The following ATF1 variants were observed in gnomAD, a reference collection of about 807,000 sequenced individuals.
ATF1 encodes the protein activating transcription factor 1.
In ATF1, 16 loss-of-function variants were observed where a neutral mutation model predicts 34.7. That is an observed-to-expected ratio of 0.46 (90% CI 0.31 to 0.70). The LOEUF (loss-of-function observed/expected upper bound fraction) is 0.70, where lower values mean the gene tolerates loss of function less well. Among genes scored for constraint, ATF1 ranks in the 30% least tolerant of loss-of-function variants. The pLI is 0.05. For missense variants in ATF1, 255 were observed against 321.6 expected, an observed-to-expected ratio of 0.79 and a Z score of 1.58; for synonymous variants, 105 against 113.1, an observed-to-expected ratio of 0.93 and a Z score of 0.46.
At chr12:50,769,791 T>G (rs1038802064) in intron 1 of ATF1, among the ~76,000 whole-genome samples, 3 of 152,244 alleles carry the variant, frequency 2.0e-5, no homozygotes, top group African/African-American at 7.2e-5. Flanking sequence ...GTTTTAATCC[T>G]GTTTAGAAGA....
chr12:50,793,353 C>T (rs556043969), intron 2 of ATF1, among the ~76,000 whole-genome samples: 134 of 152,136 alleles, frequency 8.8e-4, no homozygotes, highest in African/African-American at 3.1e-3. Context: ...TGGCCAGGTG[C>T]GGTGGCTCAT....
Position 50,809,650 on chromosome 12 carries a change from G to A in ATF1, c.328+61G>A. Reference sequence around the variant, plus strand: ...ACAAAACCTGACTTTTCTGTAGAAAGAAATGGTGTTAGGAAAACTGTAATA... The same window carrying A: ...ACAAAACCTGACTTTTCTGTAGAAAAAAATGGTGTTAGGAAAACTGTAATA... On this transcript the variant is annotated intron_variant, in intron 4 of 6. Coordinates refer to ENST00000262053, the MANE Select transcript of ATF1 (RefSeq NM_005171.5). 2.7e-6 allele frequency: 4 copies of A among 1,496,762 alleles called. No homozygotes were observed. In the South Asian group the frequency reaches 3.8e-5, roughly 14 times the overall value. The allele number at this position is 1,496,762 out of a possible 1,614,324, so 92.7% of individuals were successfully genotyped here.
At chr12:50,776,630 A>G (rs887972253) in intron 1 of ATF1, among the ~76,000 whole-genome samples, 1 of 152,132 alleles carries the variant, frequency 6.6e-6, no homozygotes, top group African/African-American at 2.4e-5. Context: ...ACCTATCATT[A>G]ATTATTTTAA....
At chr12:50,771,553 T>A (rs1265171530) in intron 1 of ATF1, among the ~76,000 whole-genome samples, 1 of 152,032 alleles carries the variant, frequency 6.6e-6, no homozygotes. Flanking sequence ...AGAAGATGGA[T>A]CTTCGTCCCT....
intron 6 of ATF1, among the ~76,000 whole-genome samples, chr12:50,819,059 C>T (rs1045162346): frequency 4.6e-5 from 7 of 152,180 alleles, no homozygotes; most frequent in African/African-American, 1.7e-4. Context: ...CCAGAGGACC[C>T]ATAATTTCAC....
intron 6 of ATF1, among the ~76,000 whole-genome samples, chr12:50,819,014 A>AACTT (rs1941896829): frequency 2.0e-5 from 3 of 152,226 alleles, no homozygotes; most frequent in African/African-American, 4.8e-5. Flanking sequence ...TTGTAATTTG[A>AACTT]ACTTAAATAA....
intron 3 of ATF1, among the ~76,000 whole-genome samples, chr12:50,797,194 A>G (rs914594289): frequency 6.6e-6 from 1 of 152,238 alleles, no homozygotes; most frequent in Non-Finnish European, 1.5e-5. Context: ...TCCAGCTTCT[A>G]GTCTCTCCAG....
At chr12:50,769,109 T>G (rs1009296603) in intron 1 of ATF1, among the ~76,000 whole-genome samples, 4 of 152,238 alleles carry the variant, frequency 2.6e-5, no homozygotes, top group Non-Finnish European at 1.5e-5. Flanking sequence ...AAGAGACAGT[T>G]TTACATGTAA....
chr12:50,767,226 A>G (rs1456016507), intron 1 of ATF1, among the ~76,000 whole-genome samples: 2 of 151,864 alleles, frequency 1.3e-5, no homozygotes, highest in African/African-American at 2.4e-5. Flanking sequence ...TGGTTAAAAA[A>G]AAAAAAATCA....
intron 2 of ATF1, among the ~76,000 whole-genome samples, chr12:50,782,255 A>G (rs112577574): frequency 0.02 from 3,046 of 151,342 alleles, 53 homozygotes; most frequent in Non-Finnish European, 0.029. Flanking sequence ...TTGTTTGTTT[A>G]TTTGTTTGTT....
intron 3 of ATF1, among the ~76,000 whole-genome samples, chr12:50,808,113 A>G (rs966704621): frequency 2.0e-5 from 3 of 151,960 alleles, no homozygotes; most frequent in African/African-American, 4.8e-5. Flanking sequence ...CCCATCCCCA[A>G]TTGTCTTGAA....
rs1444717218 is a variant in ATF1 at position 50,819,624 on chromosome 12, C to T, written c.672-11C>T. 2 of 1,606,906 alleles carry T rather than the reference C, an allele frequency of 1.2e-6. No individual in the cohort carries two copies. Among genetic ancestry groups the T allele is most frequent in the African/African-American group, 1.3e-5 (1 of 74,360 alleles). On this transcript the variant is annotated splice_polypyrimidine_tract_variant and intron_variant, in intron 6 of 6. Transcript: ENST00000262053. ...TTTTTCTAACATTGTTTTTTTAATG[C>T]TCATATTTAGAGAAGCTGCTCGAGA...
At chr12:50,794,519 C>T (rs1388759527) in intron 2 of ATF1, among the ~76,000 whole-genome samples, 3 of 150,878 alleles carry the variant, frequency 2.0e-5, no homozygotes, top group Non-Finnish European at 3.0e-5. Flanking sequence ...GAGCCAAGAT[C>T]GTGCCACTGC....
chr12:50,763,748 T>A (rs1940549721), upstream of ATF1: 1 of 151,594 alleles, frequency 6.6e-6, no homozygotes, highest in Non-Finnish European at 1.5e-5. Context: ...GCAGGTGAGT[T>A]GACAGCGCCG....
intron 2 of ATF1, among the ~76,000 whole-genome samples, chr12:50,791,909 G>C (rs761920267): frequency 6.6e-6 from 1 of 152,030 alleles, no homozygotes; most frequent in Non-Finnish European, 1.5e-5. Flanking sequence ...TCATTTACTT[G>C]AAATATATAT....
intron 3 of ATF1, among the ~76,000 whole-genome samples, chr12:50,799,344 C>T (rs73311230): frequency 0.025 from 3,833 of 152,252 alleles, 153 homozygotes; most frequent in African/African-American, 0.088. Flanking sequence ...ATGATTGTGC[C>T]ATGCACTCCA....
At chr12:50,763,906 G>A (rs1045264178), upstream of ATF1, among the ~76,000 whole-genome samples, 3 of 152,164 alleles carry the variant, frequency 2.0e-5, no homozygotes, top group Non-Finnish European at 2.9e-5. Flanking sequence ...AACGCGTTCC[G>A]AGGAACCCCT....
rs181436540 is a variant in ATF1, at chr12:50,793,212, A to C, written c.94-2697A>C. ...TTTGCTGGTGCTGTTATTAAAGATA[A>C]ATTTTTGATTTTAATTACAAGTAAT... On this transcript the variant is annotated intron_variant, in intron 2 of 6. Coordinates refer to ENST00000262053, the MANE Select transcript of ATF1 (RefSeq NM_005171.5). Among the ~76,000 whole-genome samples the C allele has an allele frequency of 2.7e-3, 408 of 152,296 alleles. 2 individuals carry two copies. The highest frequency in any genetic ancestry group is 4.6e-3 in the Non-Finnish European group (313 of 68,022).
intron 2 of ATF1, among the ~76,000 whole-genome samples, chr12:50,785,479 G>C (rs751659229): frequency 1.3e-5 from 2 of 152,036 alleles, no homozygotes; most frequent in Non-Finnish European, 2.9e-5. Context: ...TTGGTTTTCT[G>C]TGCTGCAGAA....
Sources: allele counts gnomAD v4.1 joint callset (sites outside exome capture counted in the v4.1 genomes callset), GRCh38; gene constraint gnomAD v4.1.1; transcripts MANE v1.5; gene names NCBI Gene and HGNC (gene_info 2026-07-23, HGNC 2026-07-21).